Variants in PPP1R21 observed in about 807,000 individuals in gnomAD.
The protein encoded by PPP1R21 is KLRAQ motif containing 1.
PPP1R21 carries 85 observed loss-of-function variants against 112.8 expected under a neutral mutation model. The ratio of observed to expected loss-of-function variants is 0.75; its 90% CI spans 0.63 to 0.90. The LOEUF (loss-of-function observed/expected upper bound fraction) is 0.90, where lower values mean the gene tolerates loss of function less well. Ranked by LOEUF, PPP1R21 falls within the 40% of genes least tolerant of loss-of-function variation. PPP1R21 has a pLI of 0.00. For synonymous variants in PPP1R21, 381 were observed against 322.3 expected, an observed-to-expected ratio of 1.18 and a Z score of -1.95; for missense variants, 1,199 against 901.5, an observed-to-expected ratio of 1.33 and a Z score of -4.23.
At chr2:48,506,522 T>C (rs759721876) in intron 18 of PPP1R21, among the ~76,000 whole-genome samples, 24 of 152,248 alleles carry the variant, frequency 1.6e-4, no homozygotes, top group Non-Finnish European at 3.2e-4. Context: ...ATTCTTGTAA[T>C]ATAGATAATC....
chr2:48,509,862 T>C (rs148488054), intron 19 of PPP1R21, among the ~76,000 whole-genome samples, 153 bp from the exon 20 acceptor site: 599 of 152,362 alleles, frequency 3.9e-3, no homozygotes, highest in Non-Finnish European at 5.7e-3. Flanking sequence ...TGTACTCTGA[T>C]GTGTGACACA....
At chr2:48,441,157 C>T (rs1667010462) in intron 1 of PPP1R21, 147 bp downstream of exon 1, 4 of 660,548 alleles carry the variant, frequency 6.1e-6, no homozygotes, top group African/African-American at 3.8e-5. Context: ...TCCACCATTA[C>T]GGTGCCTCCA....
chr2:48,457,376 C>G (rs1667774506), intron 3 of PPP1R21, among the ~76,000 whole-genome samples: 1 of 152,056 alleles, frequency 6.6e-6, no homozygotes, highest in South Asian at 2.1e-4. Flanking sequence ...TAGGTGAGTT[C>G]ATTTTAAGTG....
intron 12 of PPP1R21, chr2:48,479,335 G>A (rs1668899113): frequency 2.7e-6 from 1 of 373,656 alleles, no homozygotes; most frequent in Admixed American, 3.6e-5. Context: ...GCTGTGGGAG[G>A]GAGGTAGTGA....
chr2:48,486,075 T>A (rs953462947), intron 13 of PPP1R21, among the ~76,000 whole-genome samples: 36 of 151,576 alleles, frequency 2.4e-4, no homozygotes, highest in African/African-American at 8.7e-4. Context: ...ATTGTACTAT[T>A]CTTGGACTGG....
At chr2:48,455,849 C>T (rs940462156) in intron 3 of PPP1R21, among the ~76,000 whole-genome samples, 8 of 151,918 alleles carry the variant, frequency 5.3e-5, no homozygotes, top group African/African-American at 1.9e-4. Flanking sequence ...CTTGTCTCTA[C>T]TAAAAATAGA....
At chr2:48,504,547 G>A (rs182516602) in intron 17 of PPP1R21, among the ~76,000 whole-genome samples, 2 of 151,874 alleles carry the variant, frequency 1.3e-5, no homozygotes, top group Non-Finnish European at 1.5e-5. Flanking sequence ...AGGCTGAGGC[G>A]GGAGAATTGC....
chr2:48,498,932 G>A (rs1008631316), intron 17 of PPP1R21, among the ~76,000 whole-genome samples, 197 bp downstream of exon 17: 1 of 152,200 alleles, frequency 6.6e-6, no homozygotes, highest in Non-Finnish European at 1.5e-5. Context: ...GGTGCTGGGA[G>A]ATTCACTGTC....
Position 48,440,771 on chromosome 2 carries a change from A to G in PPP1R21, c.-183A>G, listed in dbSNP as rs527376323. 2.8e-3 allele frequency: 1,686 copies of G among 607,638 alleles called. 2 individuals carry two copies. Among genetic ancestry groups the G allele is most frequent in the Non-Finnish European group, 4.1e-3 (1,423 of 343,020 alleles). 37.6% of individuals were successfully genotyped at this position (607,638 alleles called of 1,614,324 possible). On this transcript the variant is annotated 5_prime_UTR_variant, in exon 1 of 22. Transcript: ENST00000294952. Reference sequence around the variant, plus strand: ...GTCGCTCCGCCCCCGGCCCCACTCCACCTTCCTCCCACCCCGGGAACCCGG... The same window carrying G: ...GTCGCTCCGCCCCCGGCCCCACTCCGCCTTCCTCCCACCCCGGGAACCCGG...
At chr2:48,485,759 A>G (rs1441092988) in intron 13 of PPP1R21, among the ~76,000 whole-genome samples, 1 of 151,192 alleles carries the variant, frequency 6.6e-6, no homozygotes, top group Non-Finnish European at 1.5e-5. Context: ...ATAGTCTAAA[A>G]CAATCAACAA....
At chr2:48,460,359 G>T (rs1317051329) in intron 6 of PPP1R21, among the ~76,000 whole-genome samples, 2 of 152,142 alleles carry the variant, frequency 1.3e-5, no homozygotes, top group Middle Eastern at 3.2e-3. Flanking sequence ...CAGCCTGCAA[G>T]GGTTTGGGGC....
intron 17 of PPP1R21, among the ~76,000 whole-genome samples, chr2:48,502,546 C>G (rs1322894620): frequency 6.6e-6 from 1 of 151,954 alleles, no homozygotes; most frequent in Non-Finnish European, 1.5e-5. Flanking sequence ...TCTTCTTCCT[C>G]TTGGGTGTTG....
At chr2:48,479,103 C>G (rs1200355646) in intron 12 of PPP1R21, among the ~76,000 whole-genome samples, 1 of 152,160 alleles carries the variant, frequency 6.6e-6, no homozygotes, top group Non-Finnish European at 1.5e-5. Context: ...CCCCACTTTT[C>G]TTGGCAGCAC....
At chr2:48,510,624 A>G (rs1670597516) in intron 20 of PPP1R21, among the ~76,000 whole-genome samples, 1 of 152,220 alleles carries the variant, frequency 6.6e-6, no homozygotes. Flanking sequence ...CTTTAGATTC[A>G]TTTATCAGAT....
chr2:48,479,270 C>T lies in PPP1R21; in HGVS notation c.1226-654C>T, dbSNP rs560164960. On this transcript the variant is annotated intron_variant, in intron 12 of 21. Coordinates refer to ENST00000294952, the MANE Select transcript of PPP1R21 (RefSeq NM_001135629.3). ...AGACCTCTTTAGGAGTTGGGAGAGA[C>T]GAAGTCCCGTGTTCTTGGCTATACC... Among the ~76,000 whole-genome samples, 60 of 152,282 alleles carry T rather than the reference C, an allele frequency of 3.9e-4. 1 individual carries two copies. The highest frequency in any genetic ancestry group is 1.2e-3 in the African/African-American group (49 of 41,550).
intron 13 of PPP1R21, among the ~76,000 whole-genome samples, chr2:48,482,394 G>A (rs781045135): frequency 4.6e-5 from 7 of 152,156 alleles, no homozygotes; most frequent in Non-Finnish European, 1.0e-4. Context: ...TCTTAGTACT[G>A]CAACCTCCCA....
chr2:48,479,596 G>C (rs766743576), intron 12 of PPP1R21: 1 of 523,114 alleles, frequency 1.9e-6, no homozygotes, highest in South Asian at 1.6e-5. Context: ...TAATGTGTAG[G>C]GAATGAAAAA....
At chr2:48,480,581 A>G (rs1240633553) in intron 13 of PPP1R21, among the ~76,000 whole-genome samples, 1 of 152,062 alleles carries the variant, frequency 6.6e-6, no homozygotes, top group African/African-American at 2.4e-5. Context: ...GGAACCTTTT[A>G]TTTCATATGC....
intron 14 of PPP1R21, among the ~76,000 whole-genome samples, chr2:48,488,797 T>G (rs1669427830): frequency 6.6e-6 from 1 of 152,222 alleles, no homozygotes; most frequent in Non-Finnish European, 1.5e-5. Context: ...TGATATGATT[T>G]GATTAACCTA....
Sources: gnomAD v4.1 joint callset for allele counts (sites outside exome capture counted in the v4.1 genomes callset) on GRCh38, gnomAD v4.1.1 for gene constraint, MANE v1.5 for transcripts, NCBI Gene and HGNC (gene_info 2026-07-23, HGNC 2026-07-21) for gene names.